The following PGBD2 variants were observed in gnomAD, a reference collection of about 807,000 sequenced individuals.
PGBD2 encodes the protein piggyBac transposable element-derived protein 2.
PGBD2 carries 6 observed loss-of-function variants against 8.1 expected under a neutral mutation model. The observed-to-expected ratio is 0.74, with a 90% confidence interval of 0.40 to 1.46. PGBD2 has a LOEUF of 1.46. Ranked by LOEUF, PGBD2 falls within the 40% of genes most tolerant of loss-of-function variation. The pLI is 0.02. For synonymous variants in PGBD2, 318 were observed against 272.2 expected (o/e 1.17, Z -1.66); for missense variants, 802 against 739.0 (o/e 1.09, Z -0.99).
At chr1:248,925,455 A>G in the PGBD2 span, among the ~76,000 whole-genome samples, 1 of 152,108 alleles carries the variant, frequency 6.6e-6, no homozygotes, top group African/African-American at 2.4e-5. Context: ...GACTCCCTTT[A>G]TGGTCCTCAC....
chr1:248,879,001 G>C, the PGBD2 span, among the ~76,000 whole-genome samples: 1 of 152,138 alleles, frequency 6.6e-6, no homozygotes, highest in Non-Finnish European at 1.5e-5. Context: ...ATTTCTCCAG[G>C]TTAGTTTTAC....
chr1:248,899,629 T>G, the PGBD2 span, among the ~76,000 whole-genome samples: 4 of 151,560 alleles, frequency 2.6e-5, no homozygotes, highest in African/African-American at 9.7e-5. Flanking sequence ...AATGCCCACA[T>G]CAAAAAGCCA....
intron 1 of PGBD2, chr1:248,912,823 G>A (rs1661954714): frequency 7.3e-6 from 1 of 136,938 alleles, no homozygotes; most frequent in South Asian, 2.3e-4. Context: ...TTTTTTTTGA[G>A]ATGGGGTTTC....
At chr1:248,907,874 C>G (rs567220183) in intron 1 of PGBD2, among the ~76,000 whole-genome samples, 1 of 152,320 alleles carries the variant, frequency 6.6e-6, no homozygotes, top group Admixed American at 6.5e-5. Flanking sequence ...TACATAGACA[C>G]AGTAGCAGTC....
chr1:248,915,941 C>T (rs1662082413), intron 2 of PGBD2, among the ~76,000 whole-genome samples: 1 of 152,174 alleles, frequency 6.6e-6, no homozygotes, highest in Non-Finnish European at 1.5e-5. Context: ...GAGTGGGTGT[C>T]ACTGCAGCTG....
chr1:248,924,552 A>G (rs1411848150), downstream of PGBD2, among the ~76,000 whole-genome samples: 2 of 152,376 alleles, frequency 1.3e-5, no homozygotes, highest in East Asian at 3.9e-4. Context: ...TCACATATCA[A>G]AAGAAGTTCT....
chr1:248,873,908 G>C, the PGBD2 span, among the ~76,000 whole-genome samples: 49,471 of 152,220 alleles, frequency 0.32, 12,210 homozygotes, highest in African/African-American at 0.68. Context: ...CACCTTGCCT[G>C]CGGGCTTTCT....
At chr1:248,876,326 A>G in the PGBD2 span, among the ~76,000 whole-genome samples, 2 of 152,136 alleles carry the variant, frequency 1.3e-5, no homozygotes, top group Non-Finnish European at 2.9e-5. Flanking sequence ...TCTTTTATCA[A>G]AAACATTTTG....
chr1:248,909,023 A>C (rs1661766650), intron 1 of PGBD2, among the ~76,000 whole-genome samples: 1 of 152,176 alleles, frequency 6.6e-6, no homozygotes, highest in South Asian at 2.1e-4. Flanking sequence ...TTTTATGCAT[A>C]TATACCTGGC....
chr1:248,922,739 G>A (rs1221400967), downstream of PGBD2, among the ~76,000 whole-genome samples: 1 of 152,166 alleles, frequency 6.6e-6, no homozygotes, highest in East Asian at 1.9e-4. Context: ...CTTTGGTTCT[G>A]TTTATGTGGT....
chr1:248,891,703 A>T, the PGBD2 span, among the ~76,000 whole-genome samples: 1 of 152,180 alleles, frequency 6.6e-6, no homozygotes, highest in Non-Finnish European at 1.5e-5. Context: ...AGATGCCTGT[A>T]TTCCTAGGTA....
intron 1 of PGBD2, among the ~76,000 whole-genome samples, chr1:248,907,973 C>G (rs538327433): frequency 9.9e-5 from 15 of 152,206 alleles, no homozygotes; most frequent in African/African-American, 3.6e-4. Flanking sequence ...TAATTTTTAT[C>G]TTGAATTAAT....
chr1:248,881,440 T>C, the PGBD2 span, among the ~76,000 whole-genome samples: 1 of 152,248 alleles, frequency 6.6e-6, no homozygotes, highest in Non-Finnish European at 1.5e-5. Flanking sequence ...TATTTAGATA[T>C]CCCTGTGGTA....
intron 2 of PGBD2, among the ~76,000 whole-genome samples, 153 bp downstream of exon 2, chr1:248,914,032 A>C (rs1351073521): frequency 1.3e-5 from 2 of 152,200 alleles, no homozygotes; most frequent in Non-Finnish European, 2.9e-5. Context: ...ATGGGAGAAG[A>C]ATGGGAAAAA....
chr1:248,921,449 A>T (rs919963555), downstream of PGBD2, among the ~76,000 whole-genome samples: 1 of 152,128 alleles, frequency 6.6e-6, no homozygotes, highest in African/African-American at 2.4e-5. Flanking sequence ...ATGCTAGTAG[A>T]TGTGGATGTT....
At chr1:248,927,131 C>T in the PGBD2 span, among the ~76,000 whole-genome samples, 1 of 152,052 alleles carries the variant, frequency 6.6e-6, no homozygotes, top group African/African-American at 2.4e-5. Flanking sequence ...GAGTATGTCG[C>T]CCAAAATAGA....
downstream of PGBD2, among the ~76,000 whole-genome samples, chr1:248,922,996 C>T (rs1207620847): frequency 6.7e-6 from 1 of 149,626 alleles, no homozygotes; most frequent in Admixed American, 6.6e-5. Flanking sequence ...AGGATTCCCT[C>T]TTTTTCTATT....
the PGBD2 span, among the ~76,000 whole-genome samples, chr1:248,925,782 C>A: frequency 1.3e-5 from 2 of 151,938 alleles, no homozygotes; most frequent in Non-Finnish European, 2.9e-5. Context: ...CAGATTTTGC[C>A]CCCCAAAATT....
chr1:248,878,034 T>G, the PGBD2 span, among the ~76,000 whole-genome samples: 1 of 152,216 alleles, frequency 6.6e-6, no homozygotes, highest in African/African-American at 2.4e-5. Flanking sequence ...GGCTGGAGAT[T>G]GGGGTAATTG....
Sources: gnomAD v4.1 joint callset for allele counts (sites outside exome capture counted in the v4.1 genomes callset) on GRCh38, gnomAD v4.1.1 for gene constraint, MANE v1.5 for transcripts, NCBI Gene and HGNC (gene_info 2026-07-23, HGNC 2026-07-21) for gene names.